MICOS10: variants seen among roughly 807,000 people sequenced by gnomAD.
MICOS10 encodes mitochondrial contact site and cristae organizing system subunit 10, also known as MICOS complex subunit MIC10.
In MICOS10, 5 loss-of-function variants were observed where a neutral mutation model predicts 13.4. That is an observed-to-expected ratio of 0.37 (90% confidence interval 0.20 to 0.78). MICOS10 has a LOEUF of 0.78. MICOS10 is among the 30% of genes least tolerant of loss of function. The pLI is 0.47. For synonymous variants in MICOS10, 35 were observed against 33.6 expected, an observed-to-expected ratio of 1.04 and a Z score of -0.15; for missense variants, 101 against 94.6, an observed-to-expected ratio of 1.07 and a Z score of -0.28.
At chr1:19,608,624 T>TA (rs138778783) in intron 1 of MICOS10, 202,972 of 704,816 alleles carry the variant, frequency 0.29, 32,089 homozygotes, top group Admixed American at 0.33. Context: ...AAAAAATAAA[T>TA]AAAAAAAGTG....
chr1:19,598,103 C>G (rs551410045), intron 1 of MICOS10: 1 of 152,264 alleles, frequency 6.6e-6, no homozygotes, highest in South Asian at 2.1e-4. Flanking sequence ...CTGCCCCATC[C>G]CCAGCCCCTA....
chr1:19,623,085 C>T (rs2094909941), intron 2 of MICOS10, among the ~76,000 whole-genome samples: 2 of 152,004 alleles, frequency 1.3e-5, no homozygotes, highest in South Asian at 4.1e-4. Flanking sequence ...CCATGCCTGG[C>T]TAATTTTTTT....
rs1157342753 is a variant in MICOS10, at chr1:19,627,260, A to G, written c.*859A>G. 4 of 152,232 alleles carry G rather than the reference A, an allele frequency of 2.6e-5. No homozygotes were observed. The highest frequency in any genetic ancestry group is 2.6e-4 in the Admixed American group (4 of 15,278). The allele number at this position is 152,232 out of a possible 1,614,324, so 9.4% of individuals were successfully genotyped here. On this transcript the variant is annotated 3_prime_UTR_variant, in exon 4 of 4. Coordinates refer to ENST00000322753, the MANE Select transcript of MICOS10 (RefSeq NM_001032363.4). Reference sequence around the variant, plus strand: ...AGTCATATTTTAGCAATTTCTTCAGACGATATACAGAACCCCAGCGCTCAG... The same window carrying G: ...AGTCATATTTTAGCAATTTCTTCAGGCGATATACAGAACCCCAGCGCTCAG...
At chr1:19,621,538 T>G (rs1305964054) in intron 1 of MICOS10, among the ~76,000 whole-genome samples, 1 of 152,176 alleles carries the variant, frequency 6.6e-6, no homozygotes, top group Non-Finnish European at 1.5e-5. Flanking sequence ...CGCAACTAAC[T>G]AAACAATATC....
chr1:19,607,615 G>A (rs563441186), intron 1 of MICOS10, among the ~76,000 whole-genome samples: 1 of 152,116 alleles, frequency 6.6e-6, no homozygotes, highest in African/African-American at 2.4e-5. Context: ...ATCATATTTG[G>A]TACACTATTA....
chr1:19,603,917 A>G (rs1477052693), intron 1 of MICOS10, among the ~76,000 whole-genome samples: 1 of 152,208 alleles, frequency 6.6e-6, no homozygotes, highest in African/African-American at 2.4e-5. Context: ...CTGGCAAGCC[A>G]GGTGTGTCAA....
At chr1:19,614,640 G>A (rs2094876998) in intron 1 of MICOS10, 1 of 152,248 alleles carries the variant, frequency 6.6e-6, no homozygotes, top group African/African-American at 2.4e-5. Context: ...TTAATCAATT[G>A]TTAAGTCCTG....
chr1:19,610,367 C>CTTTTTT lies in MICOS10; in HGVS notation c.65-11708_65-11703dup, dbSNP rs773668659. 4.7e-3 allele frequency among the ~76,000 whole-genome samples: 56 copies of CTTTTTT among 11,924 alleles called. 1 individual carries two copies. Among genetic ancestry groups the CTTTTTT allele is most frequent in the East Asian group, 0.027 (7 of 258 alleles). 7.8% of individuals were successfully genotyped at this position (11,924 alleles called of 152,430 possible). On this transcript the variant is annotated intron_variant, in intron 1 of 3. Transcript: ENST00000322753. ...AGTCACCCCACCCCCCACCCCCCGG[C>CTTTTTT]TTTTTTTTTTTTTTTTTTTTTTTTT...
rs954694561 is a variant in MICOS10, at chr1:19,627,115, C to T, written c.*714C>T. The T allele has an allele frequency of 5.3e-5, 8 of 152,160 alleles. No homozygotes were observed. Among genetic ancestry groups the T allele is most frequent in the African/African-American group, 9.7e-5 (4 of 41,406 alleles). The allele number at this position is 152,160 out of a possible 1,614,324, so 9.4% of individuals were successfully genotyped here. On this transcript the variant is annotated 3_prime_UTR_variant, in exon 4 of 4. Transcript: ENST00000322753. Reference sequence around the variant, plus strand: ...GCATACCCACCTGGCCGGAGGAGCCCGATTGGGGTTAATTTTATCTTCACG... The same window carrying T: ...GCATACCCACCTGGCCGGAGGAGCCTGATTGGGGTTAATTTTATCTTCACG...
chr1:19,626,525 C>G lies in MICOS10; in HGVS notation c.*124C>G. On this transcript the variant is annotated 3_prime_UTR_variant, in exon 4 of 4. Coordinates refer to ENST00000322753, the MANE Select transcript of MICOS10 (RefSeq NM_001032363.4). ...AATGTTATCAGTAATGCTTTAAACT[C>G]CAGCACCTGGTTATGCATTTGAAAC... 2 of 1,020,232 alleles carry G rather than the reference C, an allele frequency of 2.0e-6. No homozygotes were observed. The highest frequency in any genetic ancestry group is 2.1e-5 in the Admixed American group (1 of 48,204). 63.2% of individuals were successfully genotyped at this position (1,020,232 alleles called of 1,614,324 possible). A position where few individuals can be genotyped will look rare whatever the true frequency, so the allele number is the denominator to read the frequency against.
intron 3 of MICOS10, among the ~76,000 whole-genome samples, chr1:19,626,113 C>T (rs1025964851): frequency 2.3e-4 from 35 of 152,198 alleles, no homozygotes; most frequent in African/African-American, 8.2e-4. Flanking sequence ...TCCCCTGGGA[C>T]GCCTTCGACA....
chr1:19,610,529 C>G (rs12062511), intron 1 of MICOS10, among the ~76,000 whole-genome samples: 18,854 of 151,254 alleles, frequency 0.12, 1,273 homozygotes, highest in African/African-American at 0.17. Flanking sequence ...CAGGCTCGTA[C>G]CACCATGCCC....
intron 1 of MICOS10, among the ~76,000 whole-genome samples, chr1:19,601,752 A>C (rs79784989): frequency 0.079 from 11,958 of 152,124 alleles, 642 homozygotes; most frequent in Non-Finnish European, 0.11. Context: ...ACAATAGCAA[A>C]AATTAAAACC....
intron 1 of MICOS10, chr1:19,601,090 T>A: frequency 9.1e-7 from 1 of 1,093,614 alleles, no homozygotes; most frequent in Non-Finnish European, 1.2e-6. Flanking sequence ...GTGTTTAGCA[T>A]AGGTGTTGTA....
chr1:19,617,421 C>T, intron 1 of MICOS10: 1 of 507,810 alleles, frequency 2.0e-6, no homozygotes, highest in South Asian at 8.5e-5. Context: ...CTGATTAATA[C>T]AGACTAAATT....
At chr1:19,603,475 C>T (rs1294919589) in intron 1 of MICOS10, among the ~76,000 whole-genome samples, 2 of 152,188 alleles carry the variant, frequency 1.3e-5, no homozygotes, top group Non-Finnish European at 2.9e-5. Context: ...GTGACAGTGG[C>T]CTGTCCTCAG....
At position 19,622,095 on chromosome 1, in the gene MICOS10, T is replaced by C. The variant is rs780717621; in HGVS notation, c.65-5T>C. On this transcript the variant is annotated splice_polypyrimidine_tract_variant and splice_region_variant and intron_variant, in intron 1 of 3. Transcript: ENST00000322753. ...ATTTAGCATGTTTTTTCTCCCTCTT[T>C]GTAGGTACTGGTTTTGGATTAGGAA... is the stretch of plus-strand genomic sequence containing the variant. 6.2e-7 allele frequency: 1 copy of C among 1,610,150 alleles called. No individual in the cohort carries two copies. Among genetic ancestry groups the C allele is most frequent in the Non-Finnish European group, 8.5e-7 (1 of 1,176,934 alleles).
intron 1 of MICOS10, among the ~76,000 whole-genome samples, chr1:19,603,759 A>C (rs2094824840): frequency 6.6e-6 from 1 of 152,232 alleles, no homozygotes; most frequent in African/African-American, 2.4e-5. Flanking sequence ...TTGAATGGTT[A>C]GCTGAAGAGT....
Position 19,602,247 on chromosome 1 carries a change from C to T in MICOS10, c.64+5138C>T, listed in dbSNP as rs41510945. Among the ~76,000 whole-genome samples, 1,168 of 152,186 alleles carry T rather than the reference C, an allele frequency of 7.7e-3. 12 individuals are homozygous for T. Among genetic ancestry groups the T allele is most frequent in the African/African-American group, 0.027 (1,113 of 41,526 alleles). On this transcript the variant is annotated intron_variant, in intron 1 of 3. Coordinates refer to ENST00000322753, the MANE Select transcript of MICOS10 (RefSeq NM_001032363.4). Reference sequence around the variant, plus strand: ...ATGTATTGCTGAGAATTTTGTAGACCGTTCTCTGCCCATATTTGCTTCTCA... The same window carrying T: ...ATGTATTGCTGAGAATTTTGTAGACTGTTCTCTGCCCATATTTGCTTCTCA...
Sources: allele counts gnomAD v4.1 joint callset (sites outside exome capture counted in the v4.1 genomes callset), GRCh38; gene constraint gnomAD v4.1.1; transcripts MANE v1.5; gene names NCBI Gene and HGNC (gene_info 2026-07-23, HGNC 2026-07-21).